The following VPS11 variants were observed in gnomAD, a reference collection of about 807,000 sequenced individuals.
VPS11 encodes the protein vacuolar protein sorting-associated protein 11 homolog.
A neutral mutation model predicts 106.8 loss-of-function variants in VPS11; 51 were observed. The ratio of observed to expected loss-of-function variants is 0.48; its 90% CI spans 0.38 to 0.60. The LOEUF is 0.60. Ranked by LOEUF, VPS11 falls within the 20% of genes least tolerant of loss-of-function variation. VPS11 has a pLI of 0.00. For missense variants in VPS11, 950 were observed against 1,190.0 expected, an observed-to-expected ratio of 0.80 and a Z score of 2.97; for synonymous variants, 453 against 458.7, an observed-to-expected ratio of 0.99 and a Z score of 0.16.
chr11:119,076,645 C>T (rs995354298), intron 7 of VPS11, among the ~76,000 whole-genome samples: 4 of 152,124 alleles, frequency 2.6e-5, no homozygotes, highest in Non-Finnish European at 4.4e-5. Context: ...GCCTCTTCCC[C>T]GTTCTCTTTA....
intron 13 of VPS11, 21 bp downstream of exon 13, chr11:119,079,018 GT>G (rs781875099): frequency 3.9e-5 from 63 of 1,613,554 alleles, no homozygotes; most frequent in Non-Finnish European, 3.6e-5. Context: ...AGACAGATGG[GT>G]GGGTGACAAG....
rs557547753 is a variant in VPS11 at position 119,077,017 on chromosome 11, T to C, written c.1359T>C (p.His453=). Residue 453 remains histidine (H), a synonymous_variant, in exon 8 of 16, where the codon CAT becomes CAC. Transcript: ENST00000621676. ...LHRQSLANAD[H]TTLLLNCYTK... ...GACAATCCCTGGCCAATGCCGACCATACCACCCTGCTCCTCAACTGCTATA... is the reference window on the plus strand; with the variant it reads ...GACAATCCCTGGCCAATGCCGACCACACCACCCTGCTCCTCAACTGCTATA... 3 of 1,613,880 alleles carry C rather than the reference T, an allele frequency of 1.9e-6. No individual in the cohort carries two copies. The East Asian group carries it at 6.7e-5, about 36-fold the overall frequency.
At position 119,070,285 on chromosome 11, in the gene VPS11, G is replaced by A. The variant is rs1403207550; in HGVS notation, c.524G>A (p.Arg175Gln). ...AACAAAGGAGACATCACCCGGGACC[G>A]GCATAGCAAGACCCAGATTTTGCAC... ...TLNKGDITRD[R>Q]HSKTQILHKG... The change falls in exon 4 of 16, where the codon CGG becomes CAG. Residue 175 changes from arginine (R) to glutamine (Q), a missense_variant. Physicochemically the swap from Arg to Gln is conservative, Grantham distance 43. This residue lies in a region of VPS11 where 435 missense variants were observed against 630.2 expected (regional missense o/e 0.69). Coordinates refer to ENST00000621676, the MANE Select transcript of VPS11 (RefSeq NM_021729.6). 2.5e-6 allele frequency: 4 copies of A among 1,612,982 alleles called. No individual in the cohort carries two copies. Among genetic ancestry groups the A allele is most frequent in the Non-Finnish European group, 3.4e-6 (4 of 1,179,356 alleles).
At chr11:119,077,125 G>C in intron 8 of VPS11, 42 bp downstream of exon 8, 1 of 1,585,782 alleles carries the variant, frequency 6.3e-7, no homozygotes. Flanking sequence ...AGGCCCCACT[G>C]AGCATGAGGT....
rs961880147 is a variant in VPS11, at chr11:119,073,734, C to T, written c.1087-66C>T. The T allele has an allele frequency of 7.1e-6, 11 of 1,541,848 alleles. No individual in the cohort carries two copies. The Admixed American group carries it at 1.2e-4, about 17-fold the overall frequency. ...GACTTTCTGTTTTGTGTGTTGTGCGCACATTTTGGGAAAGTGTCTTCCCAG... is the reference window on the plus strand; with the variant it reads ...GACTTTCTGTTTTGTGTGTTGTGCGTACATTTTGGGAAAGTGTCTTCCCAG... On this transcript the variant is annotated intron_variant, in intron 6 of 15. Coordinates refer to ENST00000621676, the MANE Select transcript of VPS11 (RefSeq NM_021729.6).
intron 7 of VPS11, among the ~76,000 whole-genome samples, chr11:119,076,358 C>G (rs1246037492): frequency 6.6e-6 from 1 of 151,850 alleles, no homozygotes; most frequent in African/African-American, 2.4e-5. Flanking sequence ...GAAACCCTGC[C>G]TCTACTAAAA....
chr11:119,073,154 G>A (rs1945462830), intron 5 of VPS11, 44 bp from the exon 6 acceptor site: 4 of 1,572,680 alleles, frequency 2.5e-6, no homozygotes, highest in Non-Finnish European at 3.5e-6. Flanking sequence ...GGGGAGATAA[G>A]ACAGAGATGT....
At position 119,081,247 on chromosome 11, in the gene VPS11, G is replaced by A. The variant is rs782520551; in HGVS notation, c.2594G>A (p.Arg865Gln). 3.7e-6 allele frequency: 6 copies of A among 1,613,976 alleles called. No homozygotes were observed. The highest frequency in any genetic ancestry group is 2.2e-5 in the East Asian group (1 of 44,888). The stretch of plus-strand genomic sequence containing the variant: ...TGCCCCACCTGCCTCCCTGAAAACC[G>A]GAAGGTCATGGATATGATCCGGGCC... ...ADCPTCLPEN[R>Q]KVMDMIRAQE... The change falls in exon 15 of 16, where the codon CGG becomes CAG. Residue 865 changes from arginine to glutamine, a missense_variant. Coordinates refer to ENST00000621676, the MANE Select transcript of VPS11 (RefSeq NM_021729.6).
intron 5 of VPS11, chr11:119,072,061 G>A (rs1945415488): frequency 2.0e-6 from 1 of 500,372 alleles, no homozygotes. Flanking sequence ...CGCCTCCTGG[G>A]TTCCAGTGAT....
In VPS11 at chr11:119,069,244, G is replaced by C. The variant is rs781923980; in HGVS notation, c.236G>C (p.Gly79Ala). Residue 79 changes from glycine to alanine, a missense_variant, in exon 2 of 16, where the codon GGC becomes GCC. Physicochemically the swap from Gly to Ala is moderately conservative, Grantham distance 60. Coordinates refer to ENST00000621676, the MANE Select transcript of VPS11 (RefSeq NM_021729.6). ...TTGCCACGTTCCCTACAGCTTACAG[G>C]CTTCCAAGCCTACAAACTACGGGTG... is the stretch of plus-strand genomic sequence containing the variant. ...WFLPRSLQLTGFQAYKLRVTH... is the reference protein window; with the variant it reads ...WFLPRSLQLTAFQAYKLRVTH... 1 of 1,613,948 alleles carries C rather than the reference G, an allele frequency of 6.2e-7. No individual in the cohort carries two copies. The highest frequency in any genetic ancestry group is 1.1e-5 in the South Asian group (1 of 91,086).
intron 14 of VPS11, among the ~76,000 whole-genome samples, chr11:119,080,378 T>C (rs1425390300): frequency 1.3e-5 from 2 of 150,832 alleles, no homozygotes; most frequent in Non-Finnish European, 1.5e-5. Flanking sequence ...ATTTTTTTTT[T>C]CTTTTTTGAG....
chr11:119,076,559 A>G (rs906810252), intron 7 of VPS11, among the ~76,000 whole-genome samples: 3 of 152,126 alleles, frequency 2.0e-5, no homozygotes, highest in African/African-American at 7.2e-5. Context: ...TTTTAAAATA[A>G]TGTAAAAGAA....
rs782702669 is a variant in VPS11, at chr11:119,081,212, T to G, written c.2559T>G (p.Ser853Arg). ...HQHCFESYSE[S>R]DADCPTCLPE... The stretch of plus-strand genomic sequence containing the variant: ...ACTGCTTTGAGAGTTACTCGGAAAG[T>G]GATGCTGACTGCCCCACCTGCCTCC... The change falls in exon 15 of 16, where the codon AGT becomes AGG. Residue 853 changes from serine (S) to arginine (R), a missense_variant. Ser to Arg is a moderately radical substitution (Grantham distance 110). Around this residue, in one of 3 missense-constraint regions of VPS11, gnomAD observed 453 missense variants for 514.6 expected, o/e 0.88. Transcript: ENST00000621676. 1 of 1,613,992 alleles carries G rather than the reference T, an allele frequency of 6.2e-7. No homozygotes were observed. The highest frequency in any genetic ancestry group is 8.5e-7 in the Non-Finnish European group (1 of 1,179,894).
In VPS11 at chr11:119,078,495, C is replaced by T. The variant is rs1361270192; in HGVS notation, c.1924-70C>T. 2.0e-5 allele frequency: 31 copies of T among 1,587,446 alleles called. 1 individual carries two copies. In the East Asian group the frequency reaches 6.3e-4, roughly 32 times the overall value. On this transcript the variant is annotated intron_variant, in intron 11 of 15. Transcript: ENST00000621676. Reference sequence around the variant, plus strand: ...GGAATGGACTGAGGGAAAGAGTTGACTGGCTTTGTCCCAAGAGACCTTGTG... The same window carrying T: ...GGAATGGACTGAGGGAAAGAGTTGATTGGCTTTGTCCCAAGAGACCTTGTG...
At chr11:119,071,976 GT>G (rs5795167) in intron 5 of VPS11, 133 bp downstream of exon 5, 10,091 of 1,011,788 alleles carry the variant, frequency 1.0e-2, no homozygotes, top group East Asian at 0.017. Flanking sequence ...TAACATTTCT[GT>G]TTTTTTTTTT....
At chr11:119,075,723 G>T (rs1229423513) in intron 7 of VPS11, among the ~76,000 whole-genome samples, 3 of 151,192 alleles carry the variant, frequency 2.0e-5, no homozygotes, top group Non-Finnish European at 4.4e-5. Context: ...ATGGTGGCGG[G>T]CGCCTGTAAT....
At position 119,077,099 on chromosome 11, in the gene VPS11, G is replaced by A; in HGVS notation, c.1425+16G>A. The A allele has an allele frequency of 6.2e-7, 1 of 1,604,598 alleles. No homozygotes were observed. Among genetic ancestry groups the A allele is most frequent in the South Asian group, 1.1e-5 (1 of 89,574 alleles). ...GTTCATCAAGGTGCAGGATGTTGTT[G>A]GTGGGGAAGTCTTGGAGGCCCCACT... On this transcript the variant is annotated intron_variant, in intron 8 of 15. Coordinates refer to ENST00000621676, the MANE Select transcript of VPS11 (RefSeq NM_021729.6).
Position 119,076,955 on chromosome 11 carries a change from A to G in VPS11, c.1297A>G (p.Ile433Val). Residue 433 changes from isoleucine to valine, a missense_variant, in exon 8 of 16, where the codon ATT becomes GTT. Ile to Val is a conservative substitution (Grantham distance 29). This residue lies in a region of VPS11 where 435 missense variants were observed against 630.2 expected (regional missense o/e 0.69). Transcript: ENST00000621676. ...VIRKFLDAQR[I>V]HNLTAYLQTL... ...CCGCAAGTTTCTGGATGCCCAGCGC[A>G]TTCACAACCTGACTGCCTACCTGCA... 3 of 1,614,004 alleles carry G rather than the reference A, an allele frequency of 1.9e-6. No homozygotes were observed. Among genetic ancestry groups the G allele is most frequent in the South Asian group, 1.1e-5 (1 of 91,064 alleles).
In VPS11 at chr11:119,069,534, A is replaced by G. The variant is rs531518408; in HGVS notation, c.429A>G (p.Val143=). ...TTCCAGGAACAGAGCCAACTGTTGT[A>G]TCTTGTTTGACTGTCCATGAAAATC... ...PAIPGTEPTV[V]SCLTVHENLN... Residue 143 remains valine, a synonymous_variant, in exon 3 of 16, where the codon GTA becomes GTG. Transcript: ENST00000621676. 8 of 1,614,046 alleles carry G rather than the reference A, an allele frequency of 5.0e-6. No homozygotes were observed. The African/African-American group carries it at 1.1e-4, about 22-fold the overall frequency.
Sources: allele counts gnomAD v4.1 joint callset (sites outside exome capture counted in the v4.1 genomes callset), GRCh38; gene constraint gnomAD v4.1.1; regional missense constraint gnomAD v4.1.1; transcripts MANE v1.5; gene names NCBI Gene and HGNC (gene_info 2026-07-23, HGNC 2026-07-21).